NXF3: variants seen among roughly 807,000 people sequenced by gnomAD.
NXF3 encodes TAP-like protein 3.
NXF3 carries 34 observed loss-of-function variants against 48.4 expected under a neutral mutation model. That is an observed-to-expected ratio of 0.70 (90% CI 0.53 to 0.93). The LOEUF (loss-of-function observed/expected upper bound fraction) is 0.93. Ranked by LOEUF, NXF3 falls within the 40% of genes least tolerant of loss-of-function variation. The probability of loss-of-function intolerance (pLI) is 0.00; values close to 1 mark genes in which losing one functional copy is unlikely to be tolerated. For missense variants in NXF3, 359 were observed against 406.1 expected (o/e 0.88, Z 1.00); for synonymous variants, 132 against 145.7 (o/e 0.91, Z 0.68).
At position 103,092,997 on chromosome X, in the gene NXF3, C is replaced by T. The variant is rs778013717; in HGVS notation, c.27G>A (p.Thr9=). 5.0e-6 allele frequency: 6 copies of T among 1,207,962 alleles called. No homozygotes were observed. The highest frequency in any genetic ancestry group is 3.5e-5 in the African/African-American group (2 of 57,302). The change falls in exon 1 of 20, where the codon ACG becomes ACA. Residue 9 remains threonine, a splice_region_variant and synonymous_variant. Transcript: ENST00000395065. ...CCAGCCTCATGCTGGCCAACTCACC[C>T]GTAGTGTGTCCTGAAGGCAGTGACA... MSLPSGHT[T]GHTDQVVQRR...
chrX:103,079,442 GT>G lies in NXF3; in HGVS notation c.1251del (p.Lys417AsnfsTer72). Reference sequence around the variant, plus strand: ...GCACTGAGGGAGTCCACAATATCAAGTTTTGTGTGCTTCAGCAGCTCCCCCC... The same window carrying G: ...GCACTGAGGGAGTCCACAATATCAAGTTTGTGTGCTTCAGCAGCTCCCCCC... ...YLRGELLKHT[K>X]LDIVDSLSAL... is the part of the protein sequence containing the mutation. On this transcript the variant is annotated frameshift_variant, in exon 15 of 20. Coordinates refer to ENST00000395065, the MANE Select transcript of NXF3 (RefSeq NM_022052.2). LOFTEE classifies it high-confidence loss of function. 1 of 1,211,221 alleles carries G rather than the reference GT, an allele frequency of 8.3e-7. No homozygotes were observed. Among genetic ancestry groups the G allele is most frequent in the Non-Finnish European group, 1.1e-6 (1 of 895,088 alleles).
At position 103,077,579 on chromosome X, in the gene NXF3, G is replaced by T; in HGVS notation, c.1584+35C>A. The T allele has an allele frequency of 3.3e-6, 4 of 1,205,794 alleles. No homozygotes were observed. In the South Asian group the frequency reaches 7.1e-5, roughly 21 times the overall value. The stretch of plus-strand genomic sequence containing the variant: ...GCACTCACTTCTGAGGCAACTGGTA[G>T]TTCATCCCCCAGACTGGGCAGAGAA... On this transcript the variant is annotated intron_variant, in intron 18 of 19. Transcript: ENST00000395065.
At position 103,078,609 on chromosome X, in the gene NXF3, C is replaced by T. The variant is rs374203267; in HGVS notation, c.1402G>A (p.Val468Ile). 1 of 1,210,522 alleles carries T rather than the reference C, an allele frequency of 8.3e-7. No homozygotes were observed. The highest frequency in any genetic ancestry group is 1.7e-5 in the African/African-American group (1 of 57,258). Residue 468 changes from valine (V) to isoleucine (I), a missense_variant, in exon 17 of 20, where the codon GTT becomes ATT. Transcript: ENST00000395065. ...KEVEGQSQGS[V>I]LAFTRTFIAT... Reference sequence around the variant, plus strand: ...ATGAAGGTCCGGGTGAAGGCGAGAACAGAACCCTGAGACTGTCCTTCCACT... The same window carrying T: ...ATGAAGGTCCGGGTGAAGGCGAGAATAGAACCCTGAGACTGTCCTTCCACT...
intron 18 of NXF3, among the ~76,000 whole-genome samples, chrX:103,076,814 A>T (rs1358420305): frequency 1.0e-5 from 1 of 96,698 alleles, no homozygotes; most frequent in Non-Finnish European, 2.0e-5. Flanking sequence ...CATCTTATAT[A>T]AAAAAATGCA....
chrX:103,084,968 ATATT>A (rs1922110108), intron 1 of NXF3, 85 bp from the exon 2 acceptor site: 1 of 898,659 alleles, frequency 1.1e-6, no homozygotes. Context: ...AAATTCACTG[ATATT>A]TATTTATTTA....
chrX:103,088,587 C>T (rs1163826340), intron 1 of NXF3: 10 of 1,051,024 alleles, frequency 9.5e-6, no homozygotes, highest in Middle Eastern at 3.2e-4. Context: ...TGTGGTTTTT[C>T]AGTTCCAAGG....
In NXF3 at chrX:103,084,850, C is replaced by T. The variant is rs781406391; in HGVS notation, c.62G>A (p.Arg21Lys). Residue 21 changes from arginine to lysine, a missense_variant, in exon 2 of 20, where the codon AGA becomes AAA. Physicochemically the swap from Arg to Lys is conservative, Grantham distance 26. Transcript: ENST00000395065. ...HTDQVVQRRA[R>K]CWDIYQRRFS... ...TCTCCTTTGGTAAATATCCCAACATCTTGCTCTTCTTTGAACAACTTGATC... is the reference window on the plus strand; with the variant it reads ...TCTCCTTTGGTAAATATCCCAACATTTTGCTCTTCTTTGAACAACTTGATC... 8.3e-7 allele frequency: 1 copy of T among 1,211,821 alleles called. No homozygotes were observed.
At position 103,079,343 on chromosome X, in the gene NXF3, G is replaced by C. The variant is rs376176923; in HGVS notation, c.1335+16C>G. Reference sequence around the variant, plus strand: ...TGGCTTTCTGGGCCTGCCCAAGGGAGGAAGCAGGTACTCACCGTCTGGTAC... The same window carrying C: ...TGGCTTTCTGGGCCTGCCCAAGGGACGAAGCAGGTACTCACCGTCTGGTAC... On this transcript the variant is annotated intron_variant, in intron 15 of 19. Transcript: ENST00000395065. 85 of 1,207,066 alleles carry C rather than the reference G, an allele frequency of 7.0e-5. No homozygotes were observed. The highest frequency in any genetic ancestry group is 8.6e-5 in the Non-Finnish European group (77 of 892,332).
chrX:103,085,890 G>A (rs185434117), intron 1 of NXF3, among the ~76,000 whole-genome samples: 3,260 of 75,060 alleles, frequency 0.043, 78 homozygotes, highest in Middle Eastern at 0.11. Context: ...GCGACAAAGC[G>A]AGACTCTGTC....
chrX:103,082,678 A>G, intron 8 of NXF3, 82 bp downstream of exon 8: 1 of 804,332 alleles, frequency 1.2e-6, no homozygotes, highest in Non-Finnish European at 1.9e-6. Flanking sequence ...GGCCCCCAAC[A>G]GGGGATATCT....
At chrX:103,085,900 C>CAAAAAAAAAAAAAAA (rs56135590) in intron 1 of NXF3, among the ~76,000 whole-genome samples, 8 of 43,533 alleles carry the variant, frequency 1.8e-4, no homozygotes, top group Non-Finnish European at 3.2e-4. Context: ...GAGACTCTGT[C>CAAAAAAAAAAAAAAA]AAAAAAAAAA....
At chrX:103,079,293 T>G (rs768930375) in intron 15 of NXF3, 30 bp from the exon 16 acceptor site, 2 of 1,209,800 alleles carry the variant, frequency 1.7e-6, no homozygotes, top group South Asian at 3.5e-5. Context: ...GTGCTCAGGA[T>G]CCCCCTTAAC....
intron 18 of NXF3, among the ~76,000 whole-genome samples, chrX:103,076,593 T>G (rs890836658): frequency 2.4e-4 from 27 of 111,481 alleles, no homozygotes; most frequent in African/African-American, 8.5e-4. Context: ...CTAAATAAGA[T>G]GGCTATAAGA....
rs1922028616 is a variant in NXF3, at chrX:103,082,081, G to A, written c.890+174C>T. The A allele has an allele frequency of 6.5e-6, 3 of 464,404 alleles. No individual in the cohort carries two copies. In the African/African-American group the frequency reaches 7.2e-5, roughly 11 times the overall value. 38.3% of individuals were successfully genotyped at this position (464,404 alleles called of 1,213,427 possible). A position where few individuals can be genotyped will look rare whatever the true frequency, so the allele number is the denominator to read the frequency against. On this transcript the variant is annotated intron_variant, in intron 9 of 19. Transcript: ENST00000395065. ...GGGTGAAAAGGGGACCATGTCAGAGGAAGGAAAGGAGATGTCTAAGCACAG... is the reference window on the plus strand; with the variant it reads ...GGGTGAAAAGGGGACCATGTCAGAGAAAGGAAAGGAGATGTCTAAGCACAG...
chrX:103,080,617 C>T lies in NXF3; in HGVS notation c.891-5G>A, dbSNP rs775500127. 3.7e-5 allele frequency: 45 copies of T among 1,208,299 alleles called. No homozygotes were observed. Among genetic ancestry groups the T allele is most frequent in the Middle Eastern group, 2.3e-4 (1 of 4,365 alleles). On this transcript the variant is annotated splice_region_variant and splice_polypyrimidine_tract_variant and intron_variant, in intron 9 of 19. Transcript: ENST00000395065. ...GGGAACAATTCCAGGATGGAGCTGC[C>T]GAAAATCAAAACAAAATGGACAACG... is the stretch of plus-strand genomic sequence containing the variant.
intron 1 of NXF3, chrX:103,087,752 C>G: frequency 1.0e-6 from 1 of 963,116 alleles, no homozygotes; most frequent in Non-Finnish European, 1.5e-6. Context: ...TGGTCAGAGG[C>G]CTTTTAAATG....
intron 8 of NXF3, 63 bp from the exon 9 acceptor site, chrX:103,082,427 C>T (rs1922039395): frequency 1.3e-6 from 1 of 747,640 alleles, no homozygotes; most frequent in African/African-American, 2.1e-5. Context: ...CCTGCACCCT[C>T]AGTCTCCTCC....
intron 9 of NXF3, 148 bp downstream of exon 9, chrX:103,082,107 A>G (rs1387576169): frequency 4.3e-5 from 22 of 513,842 alleles, no homozygotes; most frequent in African/African-American, 3.0e-4. Flanking sequence ...CTAAGCACAG[A>G]TGAATGAGTG....
At chrX:103,084,677 C>T in intron 2 of NXF3, 38 bp downstream of exon 2, 1 of 1,191,846 alleles carries the variant, frequency 8.4e-7, no homozygotes, top group Non-Finnish European at 1.1e-6. Flanking sequence ...ATTTCACTGG[C>T]TGGTACATTC....
Sources: allele counts gnomAD v4.1 joint callset (sites outside exome capture counted in the v4.1 genomes callset), GRCh38; gene constraint gnomAD v4.1.1; transcripts MANE v1.5; gene names NCBI Gene and HGNC (gene_info 2026-07-23, HGNC 2026-07-21).